MSTO1: variants seen among roughly 807,000 people sequenced by gnomAD.
The protein encoded by MSTO1 is misato mitochondrial distribution and morphology regulator 1.
In MSTO1, 24 loss-of-function variants were observed where a neutral mutation model predicts 55.7. That is an observed-to-expected ratio of 0.43 (90% confidence interval 0.31 to 0.61). The LOEUF (loss-of-function observed/expected upper bound fraction) is 0.61, where lower values mean the gene tolerates loss of function less well. MSTO1 is among the 20% of genes least tolerant of loss of function. The probability of loss-of-function intolerance (pLI) is 0.09; values close to 1 mark genes in which losing one functional copy is unlikely to be tolerated. For missense variants in MSTO1, 363 were observed against 625.7 expected, an observed-to-expected ratio of 0.58 and a Z score of 4.48; for synonymous variants, 162 against 252.8, an observed-to-expected ratio of 0.64 and a Z score of 3.41.
At chr1:155,563,262 T>C in the MSTO1 span, 1 of 456,500 alleles carries the variant, frequency 2.2e-6, no homozygotes, top group Non-Finnish European at 4.4e-6. Context: ...GCAGGACCGC[T>C]GCTGTGGAGC....
At chr1:155,613,980 G>A in intron 13 of MSTO1, 79 bp from the exon 14 acceptor site, 1 of 1,593,684 alleles carries the variant, frequency 6.3e-7, no homozygotes, top group Non-Finnish European at 8.5e-7. Context: ...ACTAAGGTTG[G>A]ACTTCCTTAT....
the MSTO1 span, among the ~76,000 whole-genome samples, chr1:155,570,827 A>G: frequency 6.6e-6 from 1 of 152,146 alleles, no homozygotes; most frequent in Non-Finnish European, 1.5e-5. Flanking sequence ...GGTTTCAGGC[A>G]TCCCCTGGGA....
the MSTO1 span, among the ~76,000 whole-genome samples, chr1:155,597,886 G>A: frequency 2.6e-5 from 4 of 151,370 alleles, no homozygotes; most frequent in South Asian, 2.1e-4. Flanking sequence ...GCGCGATCTC[G>A]GCTCACTGCA....
the MSTO1 span, among the ~76,000 whole-genome samples, chr1:155,603,839 C>T: frequency 2.8e-4 from 42 of 151,926 alleles, no homozygotes; most frequent in African/African-American, 9.9e-4. Flanking sequence ...GTCTGGGTGA[C>T]AGAGCGAGAC....
At chr1:155,592,644 C>G in the MSTO1 span, among the ~76,000 whole-genome samples, 1 of 151,654 alleles carries the variant, frequency 6.6e-6, no homozygotes, top group Non-Finnish European at 1.5e-5. Flanking sequence ...ACCTGTGGCT[C>G]CCGGGTTCAA....
chr1:155,608,550 A>G (rs1454253782), upstream of MSTO1, among the ~76,000 whole-genome samples: 3 of 126,660 alleles, frequency 2.4e-5, no homozygotes, highest in East Asian at 2.3e-4. Context: ...CCCAAGGTGG[A>G]GTGCAGTGGC....
At chr1:155,565,290 C>T in the MSTO1 span, among the ~76,000 whole-genome samples, 66 of 141,528 alleles carry the variant, frequency 4.7e-4, no homozygotes, top group Non-Finnish European at 3.0e-4. Context: ...AGTGAAACTC[C>T]TTCTCAAAAA....
At chr1:155,606,240 G>GTTTTTTTTT (rs1220263860), upstream of MSTO1, among the ~76,000 whole-genome samples, 1 of 41,640 alleles carries the variant, frequency 2.4e-5, no homozygotes, top group Non-Finnish European at 5.2e-5. Context: ...TGTATTTTTA[G>GTTTTTTTTT]TAAAGACGGG....
intron 3 of MSTO1, 32 bp from the exon 4 acceptor site, chr1:155,611,184 A>G (rs1314649345): frequency 6.4e-7 from 1 of 1,566,700 alleles, no homozygotes; most frequent in East Asian, 2.3e-5. Flanking sequence ...ATCAGAGTGC[A>G]GTTTCTTTGA....
chr1:155,563,254 A>G, the MSTO1 span: 8 of 456,500 alleles, frequency 1.8e-5, no homozygotes, highest in Non-Finnish European at 3.5e-5. Context: ...TCGCAGTAGC[A>G]GGACCGCTGC....
the MSTO1 span, among the ~76,000 whole-genome samples, chr1:155,588,314 T>G: frequency 6.6e-6 from 1 of 152,332 alleles, no homozygotes; most frequent in South Asian, 2.1e-4. Flanking sequence ...ACTTCATTTT[T>G]TCATTTATTT....
At chr1:155,601,184 A>G in the MSTO1 span, among the ~76,000 whole-genome samples, 9 of 150,118 alleles carry the variant, frequency 6.0e-5, no homozygotes, top group Non-Finnish European at 1.3e-4. Flanking sequence ...CCCAGGCTGC[A>G]GTGCAGTGGT....
the MSTO1 span, among the ~76,000 whole-genome samples, chr1:155,592,608 C>T: frequency 5.3e-5 from 8 of 151,790 alleles, no homozygotes; most frequent in South Asian, 6.2e-4. Context: ...GGCTGGAGTG[C>T]GGTGGCACAA....
At chr1:155,573,468 G>A in the MSTO1 span, among the ~76,000 whole-genome samples, 1 of 152,016 alleles carries the variant, frequency 6.6e-6, no homozygotes, top group South Asian at 2.1e-4. Context: ...AGAGGCCAAG[G>A]TAGACAGATC....
upstream of MSTO1, among the ~76,000 whole-genome samples, chr1:155,605,891 A>G (rs1475927573): frequency 6.6e-6 from 1 of 152,248 alleles, no homozygotes; most frequent in Non-Finnish European, 1.5e-5. Context: ...TGGAAAATAG[A>G]AAAGGGAAAA....
the MSTO1 span, among the ~76,000 whole-genome samples, chr1:155,584,852 C>T: frequency 7.3e-5 from 11 of 151,690 alleles, no homozygotes; most frequent in Non-Finnish European, 1.2e-4. Context: ...GTGATCCTTT[C>T]GCCTCAGCCT....
chr1:155,572,439 G>C, the MSTO1 span, among the ~76,000 whole-genome samples: 1 of 152,124 alleles, frequency 6.6e-6, no homozygotes, highest in Non-Finnish European at 1.5e-5. Flanking sequence ...GAATGGCCGG[G>C]TGCGGTGGCT....
At chr1:155,568,084 A>ATTTTTTTTTT in the MSTO1 span, among the ~76,000 whole-genome samples, 1 of 148,690 alleles carries the variant, frequency 6.7e-6, no homozygotes, top group African/African-American at 2.6e-5. Context: ...ATTTTATTTT[A>ATTTTTTTTTT]TTTTATTTTT....
the MSTO1 span, among the ~76,000 whole-genome samples, chr1:155,575,949 A>G: frequency 6.6e-6 from 1 of 151,642 alleles, no homozygotes; most frequent in African/African-American, 2.4e-5. Context: ...CAGCCTGCCA[A>G]GTGGCTGGGA....
Sources: allele counts gnomAD v4.1 joint callset (sites outside exome capture counted in the v4.1 genomes callset), GRCh38; gene constraint gnomAD v4.1.1; transcripts MANE v1.5; gene names NCBI Gene and HGNC (gene_info 2026-07-23, HGNC 2026-07-21).